DLGAP2: variants seen among roughly 807,000 people sequenced by gnomAD.
The protein encoded by DLGAP2 is disks large-associated protein 2.
A neutral mutation model predicts 100.3 loss-of-function variants in DLGAP2; 26 were observed. That is an observed-to-expected ratio of 0.26 (90% CI 0.19 to 0.36). The LOEUF (loss-of-function observed/expected upper bound fraction) is 0.36. DLGAP2 is among the 10% of genes least tolerant of loss of function. The pLI is 1.00. For synonymous variants in DLGAP2, 886 were observed against 630.1 expected, an observed-to-expected ratio of 1.41 and a Z score of -6.08; for missense variants, 1,858 against 1,453.2, an observed-to-expected ratio of 1.28 and a Z score of -4.53.
chr8:1,487,543 A>G (rs1799261687), intron 3 of DLGAP2, among the ~76,000 whole-genome samples: 1 of 152,258 alleles, frequency 6.6e-6, no homozygotes, highest in Admixed American at 6.5e-5. Context: ...AAACAGTGCT[A>G]CTGAAGTGAA....
intron 2 of DLGAP2, among the ~76,000 whole-genome samples, chr8:1,197,532 C>T (rs1480681430): frequency 1.3e-5 from 2 of 152,110 alleles, no homozygotes; most frequent in Non-Finnish European, 2.9e-5. Context: ...CAGCTGTCTA[C>T]ATAAACCTGA....
intron 3 of DLGAP2, among the ~76,000 whole-genome samples, chr8:1,283,929 A>C (rs1799871846): frequency 6.6e-6 from 1 of 152,262 alleles, no homozygotes; most frequent in Non-Finnish European, 1.5e-5. Context: ...GGAAAATGCT[A>C]GAGCGTCCAT....
chr8:998,635 A>G (rs903645622), intron 2 of DLGAP2, among the ~76,000 whole-genome samples: 1 of 152,004 alleles, frequency 6.6e-6, no homozygotes, highest in African/African-American at 2.4e-5. Context: ...TTTGCTGGTC[A>G]GTTTTATTAT....
chr8:1,564,453 T>C (rs1001726194), intron 5 of DLGAP2, among the ~76,000 whole-genome samples: 21 of 152,124 alleles, frequency 1.4e-4, no homozygotes, highest in East Asian at 7.7e-4. Flanking sequence ...ATGGGTGATA[T>C]ATAAAATGCA....
intron 1 of DLGAP2, among the ~76,000 whole-genome samples, chr8:752,483 C>T (rs1056716625): frequency 3.3e-5 from 5 of 152,152 alleles, no homozygotes; most frequent in African/African-American, 9.7e-5. Flanking sequence ...CAGGCAGAGG[C>T]CTGATGGCAG....
At chr8:956,239 A>G (rs1292439780) in intron 2 of DLGAP2, among the ~76,000 whole-genome samples, 1 of 152,210 alleles carries the variant, frequency 6.6e-6, no homozygotes, top group Non-Finnish European at 1.5e-5. Flanking sequence ...AAACTTTTCC[A>G]CTGTGCACAG....
chr8:1,641,597 C>G (rs768845431), intron 8 of DLGAP2, among the ~76,000 whole-genome samples: 3 of 152,158 alleles, frequency 2.0e-5, no homozygotes, highest in African/African-American at 7.2e-5. Context: ...TCCTATGGCT[C>G]TGTCTCTTCC....
rs200453667 is a variant in DLGAP2 at position 807,931 on chromosome 8, C to T, written c.18+70106C>T. Among the ~76,000 whole-genome samples, 246 of 152,254 alleles carry T rather than the reference C, an allele frequency of 1.6e-3. 2 individuals carry two copies. Among genetic ancestry groups the T allele is most frequent in the Admixed American group, 3.0e-3 (46 of 15,286 alleles). On this transcript the variant is annotated intron_variant, in intron 1 of 14. Transcript: ENST00000637795. ...AGAAGGTTGGCGGGGAGCTAAGAACCGGGTCTTGTGATAAGATGTGGTAGC... is the reference window on the plus strand; with the variant it reads ...AGAAGGTTGGCGGGGAGCTAAGAACTGGGTCTTGTGATAAGATGTGGTAGC...
intron 1 of DLGAP2, among the ~76,000 whole-genome samples, chr8:808,336 A>T (rs1796307275): frequency 6.6e-6 from 1 of 152,184 alleles, no homozygotes. Flanking sequence ...CATTTCACTT[A>T]GAAAGATGCC....
At chr8:858,057 G>A (rs781329574) in intron 1 of DLGAP2, among the ~76,000 whole-genome samples, 8 of 152,062 alleles carry the variant, frequency 5.3e-5, no homozygotes, top group Admixed American at 2.0e-4. Context: ...GGGTTTCACC[G>A]TGTTGGCCAG....
At chr8:919,889 T>C (rs1286688356) in intron 2 of DLGAP2, among the ~76,000 whole-genome samples, 1 of 152,178 alleles carries the variant, frequency 6.6e-6, no homozygotes, top group African/African-American at 2.4e-5. Context: ...AATGGAAATG[T>C]CTTTGAAACC....
intron 3 of DLGAP2, among the ~76,000 whole-genome samples, chr8:1,298,561 G>A (rs1175659301): frequency 6.6e-6 from 1 of 152,106 alleles, no homozygotes; most frequent in Admixed American, 6.5e-5. Flanking sequence ...CGCTGAGCGT[G>A]GGGGACGGCT....
Position 749,771 on chromosome 8 carries a change from G to A in DLGAP2, c.18+11946G>A, listed in dbSNP as rs1156594792. On this transcript the variant is annotated intron_variant, in intron 1 of 14. Coordinates refer to ENST00000637795, the MANE Select transcript of DLGAP2 (RefSeq NM_001346810.2). The stretch of plus-strand genomic sequence containing the variant: ...ACAAGTTACCACAGATCGGGTGCCC[G>A]AAACGGCAGAGCGCGCTCTTGGTGC... Among the ~76,000 whole-genome samples, 7 of 152,304 alleles carry A rather than the reference G, an allele frequency of 4.6e-5. No individual in the cohort carries two copies. In the South Asian group the frequency reaches 1.2e-3, roughly 27 times the overall value.
At chr8:1,058,535 T>C (rs1802953363) in intron 2 of DLGAP2, among the ~76,000 whole-genome samples, 2 of 152,214 alleles carry the variant, frequency 1.3e-5, no homozygotes, top group South Asian at 4.1e-4. Flanking sequence ...AGCTGGCTAA[T>C]GTGGTTCAGC....
chr8:1,698,478 C>T (rs932199934), intron 14 of DLGAP2, among the ~76,000 whole-genome samples: 22 of 151,404 alleles, frequency 1.5e-4, no homozygotes, highest in African/African-American at 4.9e-4. Flanking sequence ...CCACGTAAGC[C>T]ATGCGTGGGA....
At chr8:1,224,979 C>G (rs913031656) in intron 2 of DLGAP2, among the ~76,000 whole-genome samples, 5 of 152,226 alleles carry the variant, frequency 3.3e-5, no homozygotes, top group Admixed American at 3.3e-4. Flanking sequence ...CTGAAATCCT[C>G]ATATGTTGCT....
chr8:1,563,767 T>C (rs974507796), intron 5 of DLGAP2, among the ~76,000 whole-genome samples: 3 of 152,076 alleles, frequency 2.0e-5, no homozygotes, highest in Non-Finnish European at 4.4e-5. Context: ...CATTTAGGAA[T>C]GAATACAGGG....
At chr8:1,387,142 A>T (rs530270113) in intron 3 of DLGAP2, among the ~76,000 whole-genome samples, 1 of 152,172 alleles carries the variant, frequency 6.6e-6, no homozygotes, top group East Asian at 1.9e-4. Flanking sequence ...GATCATTGAC[A>T]GTAAGGAGGA....
intron 2 of DLGAP2, among the ~76,000 whole-genome samples, chr8:1,112,261 G>C (rs1265229582): frequency 3.4e-5 from 1 of 29,356 alleles, no homozygotes; most frequent in Non-Finnish European, 8.5e-5. Context: ...TTTTTTTTGA[G>C]ACAGAGTTTT....
Sources: allele counts gnomAD v4.1 joint callset (sites outside exome capture counted in the v4.1 genomes callset), GRCh38; gene constraint gnomAD v4.1.1; transcripts MANE v1.5; gene names NCBI Gene and HGNC (gene_info 2026-07-23, HGNC 2026-07-21).